Variants in RTN1 observed in about 807,000 individuals in gnomAD.
RTN1 encodes the protein reticulon 1, also known as reticulon-1.
RTN1 carries 25 observed loss-of-function variants against 65.5 expected under a neutral mutation model. The ratio of observed to expected loss-of-function variants is 0.38; its 90% CI spans 0.28 to 0.53. The LOEUF (loss-of-function observed/expected upper bound fraction) is 0.53, where lower values mean the gene tolerates loss of function less well. RTN1 is among the 20% of genes least tolerant of loss of function. The pLI is 0.79. For synonymous variants in RTN1, 471 were observed against 447.6 expected (o/e 1.05, Z -0.66); for missense variants, 983 against 1,025.4 (o/e 0.96, Z 0.57).
intron 3 of RTN1, among the ~76,000 whole-genome samples, chr14:59,695,544 G>A (rs1381931046): frequency 1.3e-5 from 2 of 152,130 alleles, no homozygotes; most frequent in Non-Finnish European, 2.9e-5. Context: ...ATGGAGCTAA[G>A]CCAAGCTGAG....
intron 1 of RTN1, among the ~76,000 whole-genome samples, chr14:59,830,372 A>G (rs1027619262): frequency 1.6e-4 from 24 of 152,236 alleles, no homozygotes; most frequent in Non-Finnish European, 8.8e-5. Context: ...CAAAGTCTGC[A>G]ACACTAGCAT....
intron 3 of RTN1, among the ~76,000 whole-genome samples, chr14:59,692,080 A>G (rs1465251248): frequency 1.3e-5 from 2 of 152,214 alleles, no homozygotes; most frequent in Non-Finnish European, 2.9e-5. Flanking sequence ...AGTACTAGCC[A>G]GAGCAAACAG....
intron 1 of RTN1, among the ~76,000 whole-genome samples, chr14:59,832,872 C>T (rs180710826): frequency 5.9e-5 from 9 of 152,224 alleles, no homozygotes; most frequent in African/African-American, 1.9e-4. Context: ...ATGGAAACTC[C>T]CTCCTCTCCT....
In RTN1 at chr14:59,728,909, A is replaced by AATAT. The variant is rs1374441818; in HGVS notation, c.1016-1242_1016-1241insATAT. Among the ~76,000 whole-genome samples, 3 of 152,202 alleles carry AATAT rather than the reference A, an allele frequency of 2.0e-5. No homozygotes were observed. In the East Asian group the frequency reaches 5.8e-4, roughly 29 times the overall value. ...TCTCTGCTTATACTCTAGTGGAGGGAACACAATATACAAACAATATATATA... is the reference window on the plus strand; with the variant it reads ...TCTCTGCTTATACTCTAGTGGAGGGAATATACACAATATACAAACAATATATATA... On this transcript the variant is annotated intron_variant, in intron 2 of 8. Coordinates refer to ENST00000267484, the MANE Select transcript of RTN1 (RefSeq NM_021136.3).
chr14:59,686,080 C>G (rs1883841757), intron 3 of RTN1, among the ~76,000 whole-genome samples: 1 of 152,178 alleles, frequency 6.6e-6, no homozygotes, highest in African/African-American at 2.4e-5. Flanking sequence ...AATGAACAGT[C>G]TCTTCAATAA....
intron 3 of RTN1, among the ~76,000 whole-genome samples, chr14:59,622,301 G>A (rs536603406): frequency 1.7e-3 from 252 of 152,264 alleles, no homozygotes; most frequent in Middle Eastern, 0.01. Context: ...AGATCGAGCC[G>A]CTGCACTCCA....
intron 1 of RTN1, among the ~76,000 whole-genome samples, chr14:59,747,866 T>G (rs571982390): frequency 3.3e-4 from 50 of 152,168 alleles, no homozygotes; most frequent in Non-Finnish European, 6.0e-4. Context: ...TCAAAGGTCT[T>G]AAGACACACC....
intron 3 of RTN1, among the ~76,000 whole-genome samples, chr14:59,632,289 A>AT (rs1284271961): frequency 6.6e-6 from 1 of 152,002 alleles, no homozygotes; most frequent in Non-Finnish European, 1.5e-5. Context: ...ATTCTTGATT[A>AT]TTTTTTCTAT....
chr14:59,746,066 G>A lies in RTN1; in HGVS notation c.657C>T (p.Asp219=). ...CAGTGTCTTTATTCTTAAAGTCCAAGTCTTTATCTTCCAGCTCGGGGTGAT... is the reference window on the plus strand; with the variant it reads ...CAGTGTCTTTATTCTTAAAGTCCAAATCTTTATCTTCCAGCTCGGGGTGAT... ...EQHHPELEDK[D]LDFKNKDTDI... Residue 219 remains aspartate (D), a synonymous_variant, in exon 2 of 9, where the codon GAC becomes GAT. Coordinates refer to ENST00000267484, the MANE Select transcript of RTN1 (RefSeq NM_021136.3). The A allele has an allele frequency of 6.2e-7, 1 of 1,614,164 alleles. No individual in the cohort carries two copies. Among genetic ancestry groups the A allele is most frequent in the Non-Finnish European group, 8.5e-7 (1 of 1,180,028 alleles).
intron 1 of RTN1, among the ~76,000 whole-genome samples, chr14:59,778,653 G>T (rs1177812996): frequency 6.6e-6 from 1 of 152,196 alleles, no homozygotes; most frequent in Non-Finnish European, 1.5e-5. Flanking sequence ...AGATGTTTGT[G>T]CAGCATACAG....
At chr14:59,708,187 C>A (rs1238764541) in intron 3 of RTN1, among the ~76,000 whole-genome samples, 1 of 152,202 alleles carries the variant, frequency 6.6e-6, no homozygotes, top group African/African-American at 2.4e-5. Flanking sequence ...AAGGTTATAT[C>A]TAACAAAACC....
intron 1 of RTN1, among the ~76,000 whole-genome samples, chr14:59,856,961 A>G (rs532816695): frequency 1.3e-5 from 2 of 152,304 alleles, no homozygotes; most frequent in Non-Finnish European, 2.9e-5. Context: ...AAACTGATAC[A>G]TAAAGCAGTC....
intron 3 of RTN1, among the ~76,000 whole-genome samples, chr14:59,668,671 A>T (rs1883434297): frequency 6.6e-6 from 1 of 152,210 alleles, no homozygotes; most frequent in South Asian, 2.1e-4. Flanking sequence ...CAGGCAACCT[A>T]CAGAATCGGA....
chr14:59,728,027 T>G (rs867055705), intron 2 of RTN1, among the ~76,000 whole-genome samples: 1 of 152,222 alleles, frequency 6.6e-6, no homozygotes, highest in Non-Finnish European at 1.5e-5. Flanking sequence ...AATTTCTGAT[T>G]CATTCTCTCA....
At chr14:59,714,457 T>C (rs1884491758) in intron 3 of RTN1, among the ~76,000 whole-genome samples, 1 of 152,138 alleles carries the variant, frequency 6.6e-6, no homozygotes, top group Non-Finnish European at 1.5e-5. Context: ...GAGTGTTCAT[T>C]AGCAGGTAGC....
At chr14:59,694,814 C>T (rs1013400983) in intron 3 of RTN1, among the ~76,000 whole-genome samples, 36 of 152,136 alleles carry the variant, frequency 2.4e-4, no homozygotes, top group African/African-American at 7.2e-4. Context: ...TACTTGTTTC[C>T]TCCCCAAACC....
intron 4 of RTN1, 42 bp downstream of exon 4, chr14:59,607,243 C>G: frequency 1.3e-6 from 2 of 1,572,740 alleles, no homozygotes; most frequent in South Asian, 1.1e-5. Context: ...AGGGTAAAAG[C>G]CCCTGGTCAG....
At chr14:59,607,754 G>A (rs1405209602) in intron 3 of RTN1, 12 of 481,174 alleles carry the variant, frequency 2.5e-5, no homozygotes, top group African/African-American at 2.0e-4. Context: ...ACCATATCGC[G>A]ATGGGTGTAG....
intron 1 of RTN1, among the ~76,000 whole-genome samples, chr14:59,749,977 A>G (rs1384586488): frequency 1.4e-5 from 1 of 69,022 alleles, no homozygotes. Flanking sequence ...ATATACATAT[A>G]TTATATATTA....
Sources: allele counts gnomAD v4.1 joint callset (sites outside exome capture counted in the v4.1 genomes callset), GRCh38; gene constraint gnomAD v4.1.1; transcripts MANE v1.5; gene names NCBI Gene and HGNC (gene_info 2026-07-23, HGNC 2026-07-21).